The following GLRA1 variants were observed in gnomAD, a reference collection of about 807,000 sequenced individuals.
GLRA1 encodes glycine receptor subunit alpha-1.
In GLRA1, 37 loss-of-function variants were observed where a neutral mutation model predicts 48.3. The observed-to-expected ratio is 0.77, with a 90% CI of 0.59 to 1.01. The LOEUF (loss-of-function observed/expected upper bound fraction) is 1.01, where lower values mean the gene tolerates loss of function less well. Among genes scored for constraint, GLRA1 ranks in the 50% least tolerant of loss-of-function variants. GLRA1 has a pLI of 0.00. For synonymous variants in GLRA1, 196 were observed against 210.7 expected, an observed-to-expected ratio of 0.93 and a Z score of 0.60; for missense variants, 427 against 571.0, an observed-to-expected ratio of 0.75 and a Z score of 2.57.
In GLRA1 at chr5:151,918,952, A is replaced by C. The variant is rs187426226; in HGVS notation, c.56+5542T>G. Among the ~76,000 whole-genome samples the C allele has an allele frequency of 9.8e-5, 15 of 152,364 alleles. 1 individual carries two copies. Among genetic ancestry groups the C allele is most frequent in the Non-Finnish European group, 1.8e-4 (12 of 68,030 alleles). ...TTCTTCTCTTGGAGCTATATAGAAT[A>C]AATCAAATCTAATGTTTCCCAATAT... is the stretch of plus-strand genomic sequence containing the variant. On this transcript the variant is annotated intron_variant, in intron 1 of 8. Coordinates refer to ENST00000274576, the MANE Select transcript of GLRA1 (RefSeq NM_000171.4).
chr5:151,915,033 G>A (rs906794986), intron 1 of GLRA1, among the ~76,000 whole-genome samples: 19 of 152,150 alleles, frequency 1.2e-4, no homozygotes, highest in Non-Finnish European at 8.8e-5. Flanking sequence ...TCCTAGCTCT[G>A]CCTTTTACTA....
chr5:151,828,287 C>T (rs1763331244), intron 8 of GLRA1, among the ~76,000 whole-genome samples: 1 of 152,106 alleles, frequency 6.6e-6, no homozygotes, highest in African/African-American at 2.4e-5. Flanking sequence ...TAGTTATGGA[C>T]CCACGGTATG....
At chr5:151,856,425 T>TCCCTGATGTG in intron 4 of GLRA1, 42 bp from the exon 5 acceptor site, 1 of 1,271,044 alleles carries the variant, frequency 7.9e-7, no homozygotes, top group Non-Finnish European at 1.2e-6. Context: ...GATCTGCACA[T>TCCCTGATGTG]CAGGGAGGCT....
Position 151,822,930 on chromosome 5 carries a change from A to C in GLRA1, c.1093T>G (p.Ser365Ala), listed in dbSNP as rs146911085. The change falls in exon 9 of 9, where the codon TCT (serine) becomes GCT (alanine). Residue 365 changes from serine to alanine, a missense_variant. Around this residue, in one of 4 missense-constraint regions of GLRA1, gnomAD observed 4 missense variants for 17.6 expected, o/e 0.23. Coordinates refer to ENST00000274576, the MANE Select transcript of GLRA1 (RefSeq NM_000171.4). ...CAGGCTGGGCCCATCCCATAGGCAGAGAAGTTAAAGCGGCCTTCTCCAGCT... is the reference window on the plus strand; with the variant it reads ...CAGGCTGGGCCCATCCCATAGGCAGCGAAGTTAAAGCGGCCTTCTCCAGCT... Reference protein sequence around the residue: ...DEAGEGRFNFSAYGMGPACLQ... With the variant: ...DEAGEGRFNFAAYGMGPACLQ... The C allele has an allele frequency of 1.2e-6, 2 of 1,611,322 alleles. No individual in the cohort carries two copies. Among genetic ancestry groups the C allele is most frequent in the Non-Finnish European group, 1.7e-6 (2 of 1,177,964 alleles).
chr5:151,846,160 A>G (rs1217143429), intron 7 of GLRA1, among the ~76,000 whole-genome samples: 1 of 152,236 alleles, frequency 6.6e-6, no homozygotes, highest in Non-Finnish European at 1.5e-5. Context: ...TTGTATAGAT[A>G]GGGTTGTACA....
At chr5:151,886,669 A>C (rs1201111623) in intron 3 of GLRA1, 52 bp downstream of exon 3, 1 of 1,280,458 alleles carries the variant, frequency 7.8e-7, no homozygotes, top group Non-Finnish European at 1.1e-6. Context: ...TAAATATTTC[A>C]TGGAGAGATA....
chr5:151,883,250 A>G (rs576760163), intron 3 of GLRA1, among the ~76,000 whole-genome samples: 7 of 152,080 alleles, frequency 4.6e-5, no homozygotes, highest in Non-Finnish European at 1.0e-4. Flanking sequence ...GTCCTTTGTT[A>G]TCTCCATTAT....
chr5:151,906,499 A>G (rs1251101661), intron 1 of GLRA1, among the ~76,000 whole-genome samples: 1 of 152,200 alleles, frequency 6.6e-6, no homozygotes, highest in Admixed American at 6.5e-5. Flanking sequence ...TTGGGCTGGT[A>G]AACAAACTTG....
chr5:151,874,389 A>G (rs1753572138), intron 3 of GLRA1, among the ~76,000 whole-genome samples: 1 of 152,180 alleles, frequency 6.6e-6, no homozygotes, highest in African/African-American at 2.4e-5. Context: ...CTTGAATCTA[A>G]AATTGGGAGG....
chr5:151,849,250 C>CTTT (rs1469260393), intron 7 of GLRA1, among the ~76,000 whole-genome samples: 1 of 86,786 alleles, frequency 1.2e-5, no homozygotes, highest in Non-Finnish European at 2.3e-5. Flanking sequence ...TCCTTCCTTC[C>CTTT]CTTCTTTCTT....
chr5:151,853,937 G>A (rs1561557305), intron 6 of GLRA1, among the ~76,000 whole-genome samples: 1 of 152,086 alleles, frequency 6.6e-6, no homozygotes, highest in Non-Finnish European at 1.5e-5. Flanking sequence ...GTGAGTTGAT[G>A]GATATGTTAC....
rs541885645 is a variant in GLRA1 at position 151,866,694 on chromosome 5, C to T, written c.253-6686G>A. 8.5e-5 allele frequency among the ~76,000 whole-genome samples: 13 copies of T among 152,086 alleles called. No individual in the cohort carries two copies. The South Asian group carries it at 1.0e-3, about 12-fold the overall frequency. On this transcript the variant is annotated intron_variant, in intron 3 of 8. Transcript: ENST00000274576. ...TGAGGCTGATTGGGAGTACAGTTGACGGTGGAGGCACAGGGTCTTCATTTG... is the reference window on the plus strand; with the variant it reads ...TGAGGCTGATTGGGAGTACAGTTGATGGTGGAGGCACAGGGTCTTCATTTG...
intron 4 of GLRA1, among the ~76,000 whole-genome samples, chr5:151,858,215 T>C (rs184179907): frequency 9.9e-5 from 15 of 151,882 alleles, no homozygotes; most frequent in African/African-American, 3.1e-4. Context: ...AAGCACAAGG[T>C]TGAAGCAAAA....
chr5:151,825,013 T>C lies in GLRA1; in HGVS notation c.1060-2050A>G, dbSNP rs552834989. Among the ~76,000 whole-genome samples, 15 of 152,346 alleles carry C rather than the reference T, an allele frequency of 9.8e-5. No individual in the cohort carries two copies. In the South Asian group the frequency reaches 2.7e-3, roughly 27 times the overall value. The stretch of plus-strand genomic sequence containing the variant: ...TAGCACCAGAAGGGTTTGAGACATA[T>C]GGTAAATGCTGAAGAAATCCTTGGA... On this transcript the variant is annotated intron_variant, in intron 8 of 8. Coordinates refer to ENST00000274576, the MANE Select transcript of GLRA1 (RefSeq NM_000171.4).
chr5:151,896,700 C>T (rs1029399916), intron 1 of GLRA1, among the ~76,000 whole-genome samples: 1 of 152,190 alleles, frequency 6.6e-6, no homozygotes, highest in Non-Finnish European at 1.5e-5. Context: ...GCCGTTTGTT[C>T]ACCACCTCTA....
intron 3 of GLRA1, among the ~76,000 whole-genome samples, chr5:151,864,597 A>G (rs1753284671): frequency 6.6e-6 from 1 of 152,200 alleles, no homozygotes. Context: ...CGTCAGCCTC[A>G]TTGCTCAGGC....
chr5:151,837,056 G>C (rs949272157), intron 7 of GLRA1, among the ~76,000 whole-genome samples: 1 of 152,142 alleles, frequency 6.6e-6, no homozygotes, highest in South Asian at 2.1e-4. Flanking sequence ...GAAAATTTTT[G>C]CAATCTATCC....
chr5:151,910,974 C>T (rs561844672), intron 1 of GLRA1, among the ~76,000 whole-genome samples: 4 of 152,286 alleles, frequency 2.6e-5, no homozygotes, highest in East Asian at 1.9e-4. Flanking sequence ...TCCTGGTTAT[C>T]GTAGGAATTA....
At chr5:151,849,436 C>A (rs865872446) in intron 7 of GLRA1, among the ~76,000 whole-genome samples, 1,846 of 22,348 alleles carry the variant, frequency 0.083, 88 homozygotes, top group South Asian at 0.097. Context: ...CTTTCCTTTC[C>A]TTTCCTTTCC....
Sources: allele counts gnomAD v4.1 joint callset (sites outside exome capture counted in the v4.1 genomes callset), GRCh38; gene constraint gnomAD v4.1.1; regional missense constraint gnomAD v4.1.1; transcripts MANE v1.5; gene names NCBI Gene and HGNC (gene_info 2026-07-23, HGNC 2026-07-21).